BNC2: variants seen among roughly 807,000 people sequenced by gnomAD.
The protein encoded by BNC2 is basonuclin zinc finger protein 2, also known as zinc finger protein basonuclin-2.
In BNC2, 20 loss-of-function variants were observed where a neutral mutation model predicts 76.3. The ratio of observed to expected loss-of-function variants is 0.26; its 90% CI spans 0.18 to 0.38. The LOEUF is 0.38. Among genes scored for constraint, BNC2 ranks in the 10% least tolerant of loss-of-function variants. The probability of loss-of-function intolerance (pLI) is 1.00; values close to 1 mark genes in which losing one functional copy is unlikely to be tolerated. For synonymous variants in BNC2, 582 were observed against 514.8 expected (o/e 1.13, Z -1.77); for missense variants, 1,382 against 1,399.8 (o/e 0.99, Z 0.20).
chr9:16,696,707 A>T (rs188237699), intron 3 of BNC2, among the ~76,000 whole-genome samples: 2 of 152,358 alleles, frequency 1.3e-5, no homozygotes, highest in East Asian at 3.9e-4. Flanking sequence ...CTTAAAATTC[A>T]TAAGGGCACC....
In BNC2 at chr9:16,418,943, G is replaced by A. The variant is rs749455024; in HGVS notation, c.*46C>T. The A allele has an allele frequency of 1.4e-5, 22 of 1,600,110 alleles. No individual in the cohort carries two copies. Among genetic ancestry groups the A allele is most frequent in the East Asian group, 9.0e-5 (4 of 44,658 alleles). On this transcript the variant is annotated 3_prime_UTR_variant, in exon 7 of 7. Coordinates refer to ENST00000380672, the MANE Select transcript of BNC2 (RefSeq NM_017637.6). ...ACACTGACTATGGCAGTTCAAACACGTAGGCCATCTGGTGAGAGCTGGCAT... is the reference window on the plus strand; with the variant it reads ...ACACTGACTATGGCAGTTCAAACACATAGGCCATCTGGTGAGAGCTGGCAT...
chr9:16,846,490 G>A (rs912003177), intron 1 of BNC2, among the ~76,000 whole-genome samples: 15 of 152,154 alleles, frequency 9.9e-5, no homozygotes, highest in Non-Finnish European at 2.1e-4. Context: ...ACAGCACAGC[G>A]CTAAATACCA....
intron 1 of BNC2, among the ~76,000 whole-genome samples, chr9:16,772,492 T>C (rs146290667): frequency 6.6e-4 from 100 of 152,302 alleles, no homozygotes; most frequent in Middle Eastern, 3.4e-3. Flanking sequence ...ATAGTAGTTA[T>C]ATGTAAAGCT....
chr9:16,589,612 G>A (rs1483968210), intron 3 of BNC2, among the ~76,000 whole-genome samples: 3 of 151,718 alleles, frequency 2.0e-5, no homozygotes, highest in Non-Finnish European at 4.4e-5. Context: ...GGGTTCAAGT[G>A]ATTCTCCCAC....
intron 3 of BNC2, among the ~76,000 whole-genome samples, chr9:16,627,904 T>C (rs1387204071): frequency 1.3e-5 from 2 of 152,232 alleles, no homozygotes; most frequent in Non-Finnish European, 2.9e-5. Flanking sequence ...TTACCACTTA[T>C]GACTGAATGA....
intron 5 of BNC2, among the ~76,000 whole-genome samples, chr9:16,510,920 A>T (rs562563006): frequency 6.6e-6 from 1 of 152,244 alleles, no homozygotes; most frequent in East Asian, 1.9e-4. Context: ...CTTCCAGATG[A>T]CCTCAATATG....
intron 5 of BNC2, among the ~76,000 whole-genome samples, chr9:16,511,100 ACTT>A (rs1255324263): frequency 7.0e-6 from 1 of 142,370 alleles, no homozygotes; most frequent in Non-Finnish European, 1.5e-5. Context: ...AGATCACTAA[ACTT>A]ACTTTTTTTT....
intron 1 of BNC2, among the ~76,000 whole-genome samples, chr9:16,763,933 C>T (rs1019167520): frequency 6.6e-6 from 1 of 152,148 alleles, no homozygotes; most frequent in Non-Finnish European, 1.5e-5. Context: ...CTAATCACTC[C>T]CTACCGGAAG....
intron 1 of BNC2, among the ~76,000 whole-genome samples, chr9:16,864,859 G>T (rs1586946273): frequency 6.6e-6 from 1 of 151,920 alleles, no homozygotes; most frequent in African/African-American, 2.4e-5. Flanking sequence ...AAGGTTAAAT[G>T]AATAGGAATA....
At chr9:16,725,995 C>CA (rs1824305361) in intron 3 of BNC2, among the ~76,000 whole-genome samples, 1 of 140,438 alleles carries the variant, frequency 7.1e-6, no homozygotes, top group South Asian at 2.2e-4. Flanking sequence ...AACACACACA[C>CA]ACACACGCAC....
intron 1 of BNC2, among the ~76,000 whole-genome samples, chr9:16,809,785 A>C (rs1265068445): frequency 6.6e-6 from 1 of 152,154 alleles, no homozygotes; most frequent in Non-Finnish European, 1.5e-5. Flanking sequence ...TCAAAAACAC[A>C]AAAAAAGAAA....
At chr9:16,537,027 A>G (rs1818150639) in intron 5 of BNC2, among the ~76,000 whole-genome samples, 1 of 152,070 alleles carries the variant, frequency 6.6e-6, no homozygotes, top group Non-Finnish European at 1.5e-5. Context: ...CTGCTCATAA[A>G]CCCTATAAAG....
intron 3 of BNC2, among the ~76,000 whole-genome samples, chr9:16,589,831 T>G (rs986855652): frequency 6.6e-6 from 1 of 152,172 alleles, no homozygotes; most frequent in Non-Finnish European, 1.5e-5. Flanking sequence ...TAACTCTTCT[T>G]TCCCCTTGTT....
intron 4 of BNC2, among the ~76,000 whole-genome samples, chr9:16,573,671 C>G (rs559915546): frequency 3.9e-5 from 6 of 152,196 alleles, no homozygotes; most frequent in Admixed American, 2.0e-4. Context: ...GGGGATCTCC[C>G]TGGGTACCAG....
At position 16,410,030 on chromosome 9, in the gene BNC2, G is replaced by A. The variant is rs1188561325; in HGVS notation, c.*8959C>T. ...TCAACTCCCTCTGGCCACTTTTGCT[G>A]TCAAATATGGAGGCTGAGTCCAATA... On this transcript the variant is annotated 3_prime_UTR_variant, in exon 7 of 7. Coordinates refer to ENST00000380672, the MANE Select transcript of BNC2 (RefSeq NM_017637.6). The A allele has an allele frequency of 6.6e-6, 1 of 152,226 alleles. No individual in the cohort carries two copies. The highest frequency in any genetic ancestry group is 2.4e-5 in the African/African-American group (1 of 41,446). The allele number at this position is 152,226 out of a possible 1,614,324, so 9.4% of individuals were successfully genotyped here.
At chr9:16,640,527 C>G (rs2133844386) in intron 3 of BNC2, among the ~76,000 whole-genome samples, 1 of 152,302 alleles carries the variant, frequency 6.6e-6, no homozygotes, top group African/African-American at 2.4e-5. Context: ...AGAGAGTCCT[C>G]CTGTTCTTAT....
chr9:16,756,727 C>T (rs896060559), intron 1 of BNC2, among the ~76,000 whole-genome samples: 2 of 152,190 alleles, frequency 1.3e-5, no homozygotes, highest in African/African-American at 2.4e-5. Flanking sequence ...CAGGGGCTCA[C>T]GCCTATAATC....
intron 6 of BNC2, chr9:16,429,764 G>C: frequency 3.3e-6 from 1 of 300,064 alleles, no homozygotes; most frequent in Non-Finnish European, 6.7e-6. Flanking sequence ...GAAATCATTC[G>C]TCAGCCATGA....
intron 3 of BNC2, among the ~76,000 whole-genome samples, chr9:16,610,592 A>G (rs1324018624): frequency 2.0e-5 from 3 of 152,168 alleles, no homozygotes; most frequent in Non-Finnish European, 4.4e-5. Context: ...GAAAATACAA[A>G]GTAGATCTTA....
Sources: gnomAD v4.1 joint callset for allele counts (sites outside exome capture counted in the v4.1 genomes callset) on GRCh38, gnomAD v4.1.1 for gene constraint, MANE v1.5 for transcripts, NCBI Gene and HGNC (gene_info 2026-07-23, HGNC 2026-07-21) for gene names.